The following LIMS2 variants were observed in gnomAD, a reference collection of about 807,000 sequenced individuals.
LIMS2 encodes LIM and senescent cell antigen-like-containing domain protein 2.
LIMS2 carries 30 observed loss-of-function variants against 45.3 expected under a neutral mutation model. The observed-to-expected ratio is 0.66, with a 90% confidence interval of 0.50 to 0.90. The LOEUF is 0.90. Ranked by LOEUF, LIMS2 falls within the 40% of genes least tolerant of loss-of-function variation. The pLI is 0.00. For missense variants in LIMS2, 485 were observed against 468.7 expected (o/e 1.03, Z -0.32); for synonymous variants, 173 against 188.0 (o/e 0.92, Z 0.65).
intron 6 of LIMS2, 97 bp downstream of exon 6, chr2:127,641,952 C>G: frequency 1.4e-6 from 2 of 1,399,916 alleles, no homozygotes. Flanking sequence ...GCCACCCGCC[C>G]TGGGCTGGGA....
chr2:127,661,609 C>T lies in LIMS2; in HGVS notation c.12-4047G>A, dbSNP rs188432519. 1.2e-4 allele frequency among the ~76,000 whole-genome samples: 18 copies of T among 152,338 alleles called. No homozygotes were observed. In the East Asian group the frequency reaches 2.9e-3, roughly 25 times the overall value. On this transcript the variant is annotated intron_variant, in intron 1 of 9. Coordinates refer to ENST00000355119, the MANE Select transcript of LIMS2 (RefSeq NM_001161403.3). ...AGCTGGACTACGTAGAACATACTGC[C>T]CAGGGCACACCCAGCCTGGAAGCCA...
rs1376120935 is a variant in LIMS2 at position 127,664,257 on chromosome 2, A to G, written c.12-6695T>C. The G allele has an allele frequency of 8.2e-7, 1 of 1,221,778 alleles. No homozygotes were observed. The allele number at this position is 1,221,778 out of a possible 1,614,324, so 75.7% of individuals were successfully genotyped here. A position where few individuals can be genotyped will look rare whatever the true frequency, so the allele number is the denominator to read the frequency against. On this transcript the variant is annotated intron_variant, in intron 1 of 9. Coordinates refer to ENST00000355119, the MANE Select transcript of LIMS2 (RefSeq NM_001161403.3). The surrounding 1 kb of genome is among the most constrained non-coding windows in gnomAD (Gnocchi z 5.5). The stretch of plus-strand genomic sequence containing the variant: ...GAGGGAAGGCCTGCCCTGCCGCCGC[A>G]GCTTTCCGGCCATTGTCCCCGCCAC...
At chr2:127,668,553 C>T (rs1348345011) in intron 1 of LIMS2, among the ~76,000 whole-genome samples, 1 of 151,238 alleles carries the variant, frequency 6.6e-6, no homozygotes, top group African/African-American at 2.4e-5. Flanking sequence ...CCTGTAGTCC[C>T]AGCTACTCAG....
intron 1 of LIMS2, among the ~76,000 whole-genome samples, chr2:127,668,711 A>AAAAC (rs1558901551): frequency 4.2e-5 from 5 of 119,430 alleles, no homozygotes; most frequent in Non-Finnish European, 8.7e-5. Context: ...AAAAAAAAAA[A>AAAAC]CACCTTACTT....
chr2:127,639,087 CAG>C lies in LIMS2; in HGVS notation c.*192_*193del. 1 of 627,322 alleles carries C rather than the reference CAG, an allele frequency of 1.6e-6. No individual in the cohort carries two copies. Among genetic ancestry groups the C allele is most frequent in the East Asian group, 2.9e-5 (1 of 34,156 alleles). 38.9% of individuals were successfully genotyped at this position (627,322 alleles called of 1,614,324 possible). ...TCCCCAGCTCCTGCCTCCTCACAGA[CAG>C]AAGCCACGGCCAAGGAGAGGAGAGA... On this transcript the variant is annotated 3_prime_UTR_variant, in exon 10 of 10. Coordinates refer to ENST00000355119, the MANE Select transcript of LIMS2 (RefSeq NM_001161403.3).
At chr2:127,677,932 C>T (rs1212997158), upstream of LIMS2, among the ~76,000 whole-genome samples, 1 of 152,162 alleles carries the variant, frequency 6.6e-6, no homozygotes, top group Non-Finnish European at 1.5e-5. This position sits in a 1 kb window ranked among gnomAD's most constrained non-coding sequence, Gnocchi z 5.0. Context: ...TCTGGGGTAA[C>T]AGGCAATGTT....
At chr2:127,673,599 C>G (rs947865385) in intron 1 of LIMS2, 1 of 1,411,426 alleles carries the variant, frequency 7.1e-7, no homozygotes, top group African/African-American at 1.4e-5. Flanking sequence ...TCGGGGCCTC[C>G]CATTCCAGCC....
At chr2:127,644,673 C>A (rs369935250) in intron 4 of LIMS2, among the ~76,000 whole-genome samples, 2 of 152,250 alleles carry the variant, frequency 1.3e-5, no homozygotes, top group African/African-American at 4.8e-5. Context: ...GGAATCAGCT[C>A]AACGCCTCAA....
intron 4 of LIMS2, chr2:127,650,932 C>T (rs575567390): frequency 3.1e-6 from 5 of 1,614,036 alleles, no homozygotes; most frequent in South Asian, 2.2e-5. Context: ...GGGACCCCGG[C>T]CAACGTGTTC....
At chr2:127,680,537 C>A (rs1484056849) in intron 1 of LIMS2, among the ~76,000 whole-genome samples, 2 of 152,226 alleles carry the variant, frequency 1.3e-5, no homozygotes, top group African/African-American at 4.8e-5. Flanking sequence ...CTGACCAGCA[C>A]AAAATGGCCT....
At chr2:127,663,305 C>A (rs1684796714) in intron 1 of LIMS2, among the ~76,000 whole-genome samples, 1 of 152,172 alleles carries the variant, frequency 6.6e-6, no homozygotes, top group South Asian at 2.1e-4. Context: ...TCTGGGGGTC[C>A]CCACCTGAAC....
At chr2:127,649,209 A>AAGGAAGGAAGGG (rs1341046404) in intron 4 of LIMS2, among the ~76,000 whole-genome samples, 3 of 147,364 alleles carry the variant, frequency 2.0e-5, no homozygotes, top group African/African-American at 7.6e-5. Flanking sequence ...GGAAGGAAGG[A>AAGGAAGGAAGGG]AGGGCAGGGA....
Position 127,652,671 on chromosome 2 carries a change from G to A in LIMS2, c.359+1753C>T, listed in dbSNP as rs1257154797. ...TTGTTATGTTTGGTCAACATGAAGC[G>A]TTTCCCAGAACTTCTCTGACCCAAG... On this transcript the variant is annotated intron_variant, in intron 4 of 9. Coordinates refer to ENST00000355119, the MANE Select transcript of LIMS2 (RefSeq NM_001161403.3). The A allele has an allele frequency of 5.2e-5, 8 of 155,048 alleles. No homozygotes were observed. The East Asian group carries it at 5.8e-4, about 11-fold the overall frequency. 9.6% of individuals were successfully genotyped at this position (155,048 alleles called of 1,614,324 possible). A position where few individuals can be genotyped will look rare whatever the true frequency, so the allele number is the denominator to read the frequency against.
rs188453264 is a variant in LIMS2, at chr2:127,669,964, C to G, written c.11+5050G>C. Among the ~76,000 whole-genome samples, 1,115 of 152,174 alleles carry G rather than the reference C, an allele frequency of 7.3e-3. 18 individuals carry two copies. Among genetic ancestry groups the G allele is most frequent in the Non-Finnish European group, 7.7e-3 (523 of 68,016 alleles). On this transcript the variant is annotated intron_variant, in intron 1 of 9. Coordinates refer to ENST00000355119, the MANE Select transcript of LIMS2 (RefSeq NM_001161403.3). ...TGACACCACTTCACACCTACTAAAC[C>G]GGACAACAATAACAAGCATCAGCAA...
intron 1 of LIMS2, among the ~76,000 whole-genome samples, chr2:127,673,173 A>C (rs1243263985): frequency 1.3e-5 from 2 of 152,080 alleles, no homozygotes; most frequent in Non-Finnish European, 2.9e-5. Context: ...GGTGCATTAC[A>C]CTCAGATCGC....
In LIMS2 at chr2:127,657,383, G is replaced by A. The variant is rs1329280411; in HGVS notation, c.171+20C>T. 1 of 1,613,540 alleles carries A rather than the reference G, an allele frequency of 6.2e-7. No homozygotes were observed. The highest frequency in any genetic ancestry group is 1.7e-5 in the Admixed American group (1 of 60,018). On this transcript the variant is annotated intron_variant, in intron 2 of 9. Transcript: ENST00000355119. ...CAGACTCCGAGCTGGGTCTGAGAAA[G>A]CCCTCAGTAGTGTCCTCACCTCATA... is the stretch of plus-strand genomic sequence containing the variant.
intron 4 of LIMS2, chr2:127,651,580 C>T (rs575027488): frequency 4.3e-6 from 7 of 1,613,032 alleles, no homozygotes; most frequent in African/African-American, 1.3e-5. Flanking sequence ...AACCGCATCA[C>T]CTCCTGCCTC....
chr2:127,659,790 A>G (rs909206365), intron 1 of LIMS2, among the ~76,000 whole-genome samples: 1 of 152,128 alleles, frequency 6.6e-6, no homozygotes, highest in African/African-American at 2.4e-5. Flanking sequence ...GTGAGCACAC[A>G]TCCCTCGCAC....
Position 127,640,134 on chromosome 2 carries a change from G to A in LIMS2, c.814C>T (p.Leu272Phe). ...HVIEGDVVSALNKAWCVSCFS... is the reference protein window; with the variant it reads ...HVIEGDVVSAFNKAWCVSCFS... ...CAGCTCACACACCAGGCCTTGTTGA[G>A]GGCCGACACCACTGTGAGGGAAGCG... The change falls in exon 9 of 10, where the codon CTC becomes TTC. Residue 272 changes from leucine to phenylalanine, a missense_variant. Leu to Phe is a conservative substitution (Grantham distance 22, BLOSUM62 0). Coordinates refer to ENST00000355119, the MANE Select transcript of LIMS2 (RefSeq NM_001161403.3). The A allele has an allele frequency of 3.7e-6, 6 of 1,613,444 alleles. No homozygotes were observed. The highest frequency in any genetic ancestry group is 5.1e-6 in the Non-Finnish European group (6 of 1,180,022).
Sources: allele counts gnomAD v4.1 joint callset (sites outside exome capture counted in the v4.1 genomes callset), GRCh38; gene constraint gnomAD v4.1.1; non-coding constraint Gnocchi (gnomAD v3.1); transcripts MANE v1.5; gene names NCBI Gene and HGNC (gene_info 2026-07-23, HGNC 2026-07-21).